Variants in NCAPD3 observed in about 807,000 individuals in gnomAD.
NCAPD3 encodes the protein non-SMC condensin II complex subunit D3.
In NCAPD3, 105 loss-of-function variants were observed where a neutral mutation model predicts 182.9. The ratio of observed to expected loss-of-function variants is 0.57; its 90% CI spans 0.49 to 0.68. NCAPD3 has a LOEUF of 0.68. Among genes scored for constraint, NCAPD3 ranks in the 30% least tolerant of loss-of-function variants. The probability of loss-of-function intolerance (pLI) is 0.00; values close to 1 mark genes in which losing one functional copy is unlikely to be tolerated. For synonymous variants in NCAPD3, 815 were observed against 679.9 expected (o/e 1.20, Z -3.09); for missense variants, 1,944 against 1,837.0 (o/e 1.06, Z -1.07).
Position 134,157,957 on chromosome 11 carries a change from G to A in NCAPD3, c.4145C>T (p.Ser1382Phe). ...ACTGCACGTTTTTTCTGGGCTTCCA[G>A]AATTTAAAGTGAAAGGCAGCACTCC... Reference protein sequence around the residue: ...SLGVLPFTLNSGSPEKTCSQV... With the variant: ...SLGVLPFTLNFGSPEKTCSQV... Residue 1382 changes from serine (S) to phenylalanine (F), a missense_variant, in exon 31 of 35, where the codon TCT becomes TTT. By Grantham distance (155) the Ser-to-Phe change is radical (BLOSUM62 -2). Coordinates refer to ENST00000534548, the MANE Select transcript of NCAPD3 (RefSeq NM_015261.3). 6.2e-7 allele frequency: 1 copy of A among 1,614,136 alleles called. No individual in the cohort carries two copies. The highest frequency in any genetic ancestry group is 1.1e-5 in the South Asian group (1 of 91,078).
intron 20 of NCAPD3, 129 bp from the exon 21 acceptor site, chr11:134,179,065 T>C (rs1944234810): frequency 1.6e-6 from 1 of 641,406 alleles, no homozygotes; most frequent in East Asian, 2.8e-5. Flanking sequence ...AGTTTTCGTT[T>C]CATAAAAATA....
Position 134,153,169 on chromosome 11 carries a change from G to A in NCAPD3, c.4359C>T (p.Asp1453=), listed in dbSNP as rs1943308974. The part of the protein sequence containing the change: ...EKIEGRSQGN[D]ILCLSLPDKP... ...TATCAGGCAGTGATAAACATAAGAT[G>A]TCATTTCCTTGACTCCGGCCTTCAA... is the stretch of plus-strand genomic sequence containing the variant. The change falls in exon 34 of 35, where the codon GAC becomes GAT. Residue 1453 remains aspartate, a synonymous_variant. Transcript: ENST00000534548. 1 of 1,614,158 alleles carries A rather than the reference G, an allele frequency of 6.2e-7. No homozygotes were observed. The highest frequency in any genetic ancestry group is 8.5e-7 in the Non-Finnish European group (1 of 1,179,998).
rs1944578029 is a variant in NCAPD3, at chr11:134,194,070, G to A, written c.1770C>T (p.Asp590=). 1 of 1,614,064 alleles carries A rather than the reference G, an allele frequency of 6.2e-7. No individual in the cohort carries two copies. The highest frequency in any genetic ancestry group is 8.5e-7 in the Non-Finnish European group (1 of 1,179,926). ...CCTGCTTCCGGACAGACACTGCAGGGTCCCGACACTGGTCCTGCAGAATCC... is the reference window on the plus strand; with the variant it reads ...CCTGCTTCCGGACAGACACTGCAGGATCCCGACACTGGTCCTGCAGAATCC... The part of the protein sequence containing the change: ...DLWILQDQCR[D]PAVSVRKQAL... The change falls in exon 15 of 35, where the codon GAC becomes GAT. Residue 590 remains aspartate (D), a synonymous_variant. Coordinates refer to ENST00000534548, the MANE Select transcript of NCAPD3 (RefSeq NM_015261.3).
intron 24 of NCAPD3, among the ~76,000 whole-genome samples, chr11:134,175,139 A>G (rs1224800241): frequency 6.6e-6 from 1 of 152,202 alleles, no homozygotes; most frequent in Non-Finnish European, 1.5e-5. Flanking sequence ...AATCCCACAT[A>G]CAGTTTACTC....
intron 8 of NCAPD3, 127 bp downstream of exon 8, chr11:134,206,472 G>T: frequency 8.1e-7 from 1 of 1,241,858 alleles, no homozygotes; most frequent in Non-Finnish European, 1.2e-6. Flanking sequence ...CGAAGTGCTT[G>T]GTTTTCACCC....
intron 7 of NCAPD3, 40 bp from the exon 8 acceptor site, chr11:134,206,772 G>A (rs1937623509): frequency 1.3e-6 from 2 of 1,585,128 alleles, no homozygotes; most frequent in Non-Finnish European, 8.6e-7. Context: ...ATCGGATGGA[G>A]AACACAAGGG....
At chr11:134,183,660 A>G (rs919799895) in intron 19 of NCAPD3, among the ~76,000 whole-genome samples, 2 of 152,256 alleles carry the variant, frequency 1.3e-5, no homozygotes, top group Non-Finnish European at 2.9e-5. Context: ...TTTCATCAAT[A>G]AAACAGCTTA....
intron 7 of NCAPD3, among the ~76,000 whole-genome samples, chr11:134,207,765 A>C (rs886551270): frequency 2.6e-5 from 4 of 151,778 alleles, no homozygotes; most frequent in African/African-American, 7.2e-5. Flanking sequence ...AAAAAAAAAA[A>C]AACCATCTTT....
At chr11:134,170,837 G>T (rs981686465) in intron 24 of NCAPD3, among the ~76,000 whole-genome samples, 5 of 152,346 alleles carry the variant, frequency 3.3e-5, no homozygotes, top group African/African-American at 1.2e-4. Flanking sequence ...AGAGAAACTG[G>T]AAGCCACAGC....
chr11:134,198,637 A>T (rs1565548014), intron 13 of NCAPD3, among the ~76,000 whole-genome samples: 1 of 152,226 alleles, frequency 6.6e-6, no homozygotes, highest in Non-Finnish European at 1.5e-5. Flanking sequence ...AATGAAAGAT[A>T]TCCAGATTGG....
intron 32 of NCAPD3, among the ~76,000 whole-genome samples, chr11:134,156,193 G>A (rs624477): frequency 0.28 from 42,500 of 151,990 alleles, 6,567 homozygotes; most frequent in African/African-American, 0.42. Flanking sequence ...AGAAGTCTCC[G>A]GGAGGAGATC....
chr11:134,225,087 C>T (rs1290002026), upstream of NCAPD3: 2 of 1,555,492 alleles, frequency 1.3e-6, no homozygotes, highest in Non-Finnish European at 1.7e-6. Flanking sequence ...TGCGAGGGAG[C>T]GGTCCTTACC....
chr11:134,223,347 T>C lies in NCAPD3; in HGVS notation c.64+516A>G, dbSNP rs1591871639. On this transcript the variant is annotated intron_variant, in intron 1 of 34. Transcript: ENST00000534548. ...CACCTCAGAGGCAGGACAGTGGTAG[T>C]GGGCATGAAAGGGGAAGCAGAAATG... 23 of 689,708 alleles carry C rather than the reference T, an allele frequency of 3.3e-5. 1 individual carries two copies. In the East Asian group the frequency reaches 5.4e-4, roughly 16 times the overall value. The allele number at this position is 689,708 out of a possible 1,614,324, so 42.7% of individuals were successfully genotyped here. A position where few individuals can be genotyped will look rare whatever the true frequency, so the allele number is the denominator to read the frequency against.
chr11:134,169,125 A>C (rs1943944812), intron 24 of NCAPD3, 71 bp from the exon 25 acceptor site: 1 of 1,495,166 alleles, frequency 6.7e-7, no homozygotes, highest in Non-Finnish European at 9.1e-7. Flanking sequence ...TACACCAAGA[A>C]CTCTGCTGAG....
At chr11:134,161,595 A>C (rs1943581299) in intron 28 of NCAPD3, among the ~76,000 whole-genome samples, 186 bp downstream of exon 28, 2 of 152,206 alleles carry the variant, frequency 1.3e-5, no homozygotes, top group Non-Finnish European at 2.9e-5. Context: ...CATCCAAGGG[A>C]AAGAGCGGCT....
chr11:134,162,104 G>A (rs1943599222), intron 27 of NCAPD3, among the ~76,000 whole-genome samples: 1 of 152,168 alleles, frequency 6.6e-6, no homozygotes, highest in Non-Finnish European at 1.5e-5. Context: ...GTAAGATAGG[G>A]TGGGGACAAA....
At position 134,151,236 on chromosome 11, in the gene NCAPD3, A is replaced by G. The variant is rs1943223433; in HGVS notation, c.*1708T>C. ...GAGACTGTGTTGACTTTTTTTAGTT[A>G]TGTGAAACACTTTGCCGCAGGCCGC... On this transcript the variant is annotated 3_prime_UTR_variant, in exon 35 of 35. Transcript: ENST00000534548. The G allele has an allele frequency of 6.6e-6, 1 of 152,130 alleles. No individual in the cohort carries two copies. Among genetic ancestry groups the G allele is most frequent in the Non-Finnish European group, 1.5e-5 (1 of 68,034 alleles). 9.4% of individuals were successfully genotyped at this position (152,130 alleles called of 1,614,324 possible).
intron 24 of NCAPD3, among the ~76,000 whole-genome samples, chr11:134,171,845 GCCCTCCCAAGGGGAGGCTGCTTCAT>G (rs1406975212): frequency 3.9e-5 from 6 of 152,062 alleles, no homozygotes; most frequent in Non-Finnish European, 7.4e-5. Flanking sequence ...TTCTCTCTCA[GCCCTCCCAAGGGGAGGCTGCTTCAT>G]CCCTCAGTCA....
chr11:134,161,758 A>C (rs776965966), intron 28 of NCAPD3, 23 bp downstream of exon 28: 24 of 1,401,500 alleles, frequency 1.7e-5, no homozygotes, highest in Non-Finnish European at 2.4e-5. Context: ...CAACAACCAC[A>C]AAAGCACAGG....
Sources: gnomAD v4.1 joint callset for allele counts (sites outside exome capture counted in the v4.1 genomes callset) on GRCh38, gnomAD v4.1.1 for gene constraint, MANE v1.5 for transcripts, NCBI Gene and HGNC (gene_info 2026-07-23, HGNC 2026-07-21) for gene names.